Variants in SCN2A observed in about 807,000 individuals in gnomAD.
SCN2A encodes the protein sodium voltage-gated channel alpha subunit 2, also known as sodium channel protein type 2 subunit alpha.
Under a neutral mutation model 188.7 loss-of-function variants are expected in SCN2A, and 20 were observed. The observed-to-expected ratio is 0.11, with a 90% CI of 0.07 to 0.15. The LOEUF (loss-of-function observed/expected upper bound fraction) is 0.15. SCN2A is among the 10% of genes least tolerant of loss of function. The pLI is 1.00. For missense variants in SCN2A, 1,278 were observed against 2,445.0 expected (o/e 0.52, Z 10.07); for synonymous variants, 804 against 833.1 (o/e 0.97, Z 0.60).
chr2:165,347,409 A>C (rs2105324086), intron 16 of SCN2A, among the ~76,000 whole-genome samples: 1 of 149,822 alleles, frequency 6.7e-6, no homozygotes, highest in Non-Finnish European at 1.5e-5. Flanking sequence ...ACATGGACAC[A>C]GGGAGGGGAA....
chr2:165,261,652 G>T (rs1051842497), intron 1 of SCN2A, among the ~76,000 whole-genome samples: 8 of 152,124 alleles, frequency 5.3e-5, no homozygotes, highest in Non-Finnish European at 1.2e-4. Context: ...ATTGACCTTT[G>T]TTGATACAAA....
intron 1 of SCN2A, among the ~76,000 whole-genome samples, chr2:165,256,928 G>A (rs934343023): frequency 6.6e-6 from 1 of 152,102 alleles, no homozygotes; most frequent in Non-Finnish European, 1.5e-5. Context: ...CTGAGGAGAA[G>A]CTATAACTTT....
At chr2:165,311,487 G>A (rs542398970) in intron 7 of SCN2A, among the ~76,000 whole-genome samples, 2 of 151,938 alleles carry the variant, frequency 1.3e-5, no homozygotes, top group Non-Finnish European at 2.9e-5. Context: ...CAGAAATCAA[G>A]CAAAAATTTC....
intron 16 of SCN2A, among the ~76,000 whole-genome samples, chr2:165,353,118 G>A (rs1384422971): frequency 6.6e-6 from 1 of 151,534 alleles, no homozygotes; most frequent in Non-Finnish European, 1.5e-5. Flanking sequence ...CATACTGGTG[G>A]AGCCTATTTT....
chr2:165,248,575 ATTC>A (rs1466381421), intron 1 of SCN2A, among the ~76,000 whole-genome samples: 2 of 152,022 alleles, frequency 1.3e-5, no homozygotes, highest in Non-Finnish European at 2.9e-5. Context: ...CGTCTCCCAC[ATTC>A]TTCTATACTT....
chr2:165,242,763 C>G (rs1693677471), intron 1 of SCN2A, among the ~76,000 whole-genome samples: 1 of 152,052 alleles, frequency 6.6e-6, no homozygotes, highest in African/African-American at 2.4e-5. Context: ...AAAGAAGAAA[C>G]AAAAGTACAC....
rs1335815461 is a variant in SCN2A, at chr2:165,387,027, G to A, written c.4822+11G>A. On this transcript the variant is annotated intron_variant, in intron 26 of 26. Coordinates refer to ENST00000375437, the MANE Select transcript of SCN2A (RefSeq NM_001040142.2). ...TTCTCTCCATTGTAGGTAAGAAGAG[G>A]TGCTTTTATTCAGTTAAGGAATATA... 1.2e-6 allele frequency: 2 copies of A among 1,612,552 alleles called. No homozygotes were observed. Among genetic ancestry groups the A allele is most frequent in the Non-Finnish European group, 1.7e-6 (2 of 1,178,968 alleles).
At chr2:165,309,642 T>G (rs1290103895) in intron 6 of SCN2A, among the ~76,000 whole-genome samples, 199 bp downstream of exon 6, 2 of 152,176 alleles carry the variant, frequency 1.3e-5, no homozygotes, top group Non-Finnish European at 2.9e-5. Context: ...TAAATCAGCC[T>G]TTGAGTTTAA....
chr2:165,385,671 C>G (rs941582713), intron 25 of SCN2A, among the ~76,000 whole-genome samples: 2 of 152,114 alleles, frequency 1.3e-5, no homozygotes, highest in African/African-American at 4.8e-5. Context: ...AGAACTGAGT[C>G]AGATTTCACC....
Position 165,313,604 on chromosome 2 carries a change from T to A in SCN2A, c.1035-16T>A. On this transcript the variant is annotated splice_polypyrimidine_tract_variant and intron_variant, in intron 8 of 26. Coordinates refer to ENST00000375437, the MANE Select transcript of SCN2A (RefSeq NM_001040142.2). The stretch of plus-strand genomic sequence containing the variant: ...GCCGTTATTGACTTCCTTTCTTTCC[T>A]CTAACCTAATTATAGCCAGTGTCCT... The A allele has an allele frequency of 6.2e-7, 1 of 1,613,122 alleles. No individual in the cohort carries two copies. The highest frequency in any genetic ancestry group is 1.1e-5 in the South Asian group (1 of 91,066).
intron 1 of SCN2A, among the ~76,000 whole-genome samples, chr2:165,257,684 G>GC (rs1041180650): frequency 1.3e-5 from 2 of 151,974 alleles, no homozygotes; most frequent in African/African-American, 4.8e-5. Flanking sequence ...GATTACAGGC[G>GC]CCCCTCACCA....
At chr2:165,292,479 C>A (rs1408654449) in intron 1 of SCN2A, among the ~76,000 whole-genome samples, 1 of 152,124 alleles carries the variant, frequency 6.6e-6, no homozygotes, top group African/African-American at 2.4e-5. Context: ...TTGCTTCCCC[C>A]ACCCTATACC....
chr2:165,367,050 G>A (rs996778828), intron 18 of SCN2A, among the ~76,000 whole-genome samples, 167 bp from the exon 19 acceptor site: 1 of 152,112 alleles, frequency 6.6e-6, no homozygotes, highest in South Asian at 2.1e-4. Flanking sequence ...TGATTAAAAA[G>A]CCATATAGAT....
intron 1 of SCN2A, among the ~76,000 whole-genome samples, chr2:165,291,490 C>CTTTCTTTCTCTCTTTCT (rs1265345470): frequency 4.4e-5 from 1 of 22,540 alleles, no homozygotes; most frequent in Non-Finnish European, 8.8e-5. Flanking sequence ...TTCTTTCTTT[C>CTTTCTTTCTCTCTTTCT]TTTTCTTTCT....
At chr2:165,333,295 G>C (rs1396338369) in intron 14 of SCN2A, among the ~76,000 whole-genome samples, 2 of 151,876 alleles carry the variant, frequency 1.3e-5, no homozygotes, top group Non-Finnish European at 2.9e-5. Context: ...AAGGAATGTA[G>C]GATCTGTATC....
chr2:165,367,266 A>T lies in SCN2A; in HGVS notation c.3570A>T (p.Lys1190Asn). ...GTCAGATAAGCATAGAAGAAGGCAAAGGGAAACTCTGGTGGAATTTGAGGA... is the reference window on the plus strand; with the variant it reads ...GTCAGATAAGCATAGAAGAAGGCAATGGGAAACTCTGGTGGAATTTGAGGA... ...KCCQISIEEG[K>N]GKLWWNLRKT... Residue 1190 changes from lysine (K) to asparagine (N), a missense_variant, in exon 19 of 27, where the codon AAA becomes AAT. By Grantham distance (94) the Lys-to-Asn change is moderately conservative. Transcript: ENST00000375437. The T allele has an allele frequency of 6.2e-7, 1 of 1,614,184 alleles. No individual in the cohort carries two copies. The highest frequency in any genetic ancestry group is 8.5e-7 in the Non-Finnish European group (1 of 1,180,020).
At chr2:165,291,351 CG>C (rs1696108427) in intron 1 of SCN2A, among the ~76,000 whole-genome samples, 1 of 29,136 alleles carries the variant, frequency 3.4e-5, no homozygotes, top group Admixed American at 4.0e-4. Flanking sequence ...GTCTGTCGTT[CG>C]TTCCTTCCTT....
At chr2:165,348,786 A>C (rs968336773) in intron 16 of SCN2A, among the ~76,000 whole-genome samples, 4 of 152,230 alleles carry the variant, frequency 2.6e-5, no homozygotes, top group African/African-American at 9.6e-5. Flanking sequence ...AGGAGGTTTC[A>C]GTTCCTTTTT....
At chr2:165,316,883 T>C (rs1478349094) in intron 11 of SCN2A, among the ~76,000 whole-genome samples, 1 of 152,198 alleles carries the variant, frequency 6.6e-6, no homozygotes, top group Non-Finnish European at 1.5e-5. Context: ...GAAAAAGTTA[T>C]TATGATCTTT....
Sources: allele counts gnomAD v4.1 joint callset (sites outside exome capture counted in the v4.1 genomes callset), GRCh38; gene constraint gnomAD v4.1.1; transcripts MANE v1.5; gene names NCBI Gene and HGNC (gene_info 2026-07-23, HGNC 2026-07-21).